TAF4B: variants seen among roughly 807,000 people sequenced by gnomAD.
The protein encoded by TAF4B is TATA-box binding protein associated factor 4b, also known as transcription initiation factor TFIID subunit 4B.
A neutral mutation model predicts 86.4 loss-of-function variants in TAF4B; 38 were observed. The ratio of observed to expected loss-of-function variants is 0.44; its 90% CI spans 0.34 to 0.58. The LOEUF is 0.58. TAF4B is among the 20% of genes least tolerant of loss of function. TAF4B has a pLI of 0.02. For synonymous variants in TAF4B, 388 were observed against 391.2 expected, an observed-to-expected ratio of 0.99 and a Z score of 0.10; for missense variants, 988 against 1,027.6, an observed-to-expected ratio of 0.96 and a Z score of 0.53.
Position 26,300,307 on chromosome 18 carries a change from TTTATTA to T in TAF4B, c.1832+6801_1832+6806del, listed in dbSNP as rs57272091. 2.3e-3 allele frequency among the ~76,000 whole-genome samples: 341 copies of T among 145,394 alleles called. 2 individuals are homozygous for T. Among genetic ancestry groups the T allele is most frequent in the African/African-American group, 7.4e-3 (290 of 39,156 alleles). On this transcript the variant is annotated intron_variant, in intron 9 of 14. Coordinates refer to ENST00000269142, the MANE Select transcript of TAF4B (RefSeq NM_005640.3). ...CCTGGCTTGTTTTCTAATGTAGGCA[TTTATTA>T]TTATTATTATTATTATTATTATTAA...
chr18:26,240,455 A>G (rs1284037191), intron 1 of TAF4B, among the ~76,000 whole-genome samples: 1 of 152,186 alleles, frequency 6.6e-6, no homozygotes, highest in Admixed American at 6.5e-5. Context: ...ACTTTGCTGA[A>G]GTTGCTTGTC....
intron 1 of TAF4B, among the ~76,000 whole-genome samples, chr18:26,256,549 C>T (rs2056087286): frequency 6.6e-6 from 1 of 151,830 alleles, no homozygotes; most frequent in South Asian, 2.1e-4. Flanking sequence ...CTTCTGCTTG[C>T]TTTAGTTTTC....
intron 14 of TAF4B, 94 bp downstream of exon 14, chr18:26,357,888 G>T: frequency 1.3e-6 from 1 of 788,326 alleles, no homozygotes; most frequent in Non-Finnish European, 1.9e-6. Flanking sequence ...TGTTATGCAC[G>T]CTGTTGCTGC....
chr18:26,294,117 G>T (rs2056631921), intron 9 of TAF4B, among the ~76,000 whole-genome samples: 1 of 152,068 alleles, frequency 6.6e-6, no homozygotes, highest in African/African-American at 2.4e-5. Flanking sequence ...AATTTTGCAT[G>T]AACATATGCT....
chr18:26,275,123 T>C, intron 5 of TAF4B, 70 bp downstream of exon 5: 1 of 1,420,340 alleles, frequency 7.0e-7, no homozygotes, highest in Non-Finnish European at 9.4e-7. Flanking sequence ...GGGAAATGCA[T>C]ATTTTTAAAT....
chr18:26,350,678 G>C (rs186931843), intron 13 of TAF4B, among the ~76,000 whole-genome samples: 1 of 152,072 alleles, frequency 6.6e-6, no homozygotes, highest in Non-Finnish European at 1.5e-5. Context: ...CCTGTTTCTA[G>C]AAAAAGAAAA....
chr18:26,266,332 G>C (rs1467319027), intron 2 of TAF4B: 1 of 151,292 alleles, frequency 6.6e-6, no homozygotes, highest in African/African-American at 2.4e-5. Context: ...GGCTGGTCTC[G>C]AACTCTTGAC....
chr18:26,309,366 G>A (rs2056831717), intron 9 of TAF4B, among the ~76,000 whole-genome samples: 1 of 139,160 alleles, frequency 7.2e-6, no homozygotes. Context: ...CTTTCCAATA[G>A]TTATATTTTC....
At chr18:26,235,308 G>A (rs2055732463) in intron 1 of TAF4B, among the ~76,000 whole-genome samples, 1 of 152,060 alleles carries the variant, frequency 6.6e-6, no homozygotes, top group Admixed American at 6.6e-5. Context: ...TGATCCCAAG[G>A]AACCCCCGCA....
chr18:26,350,145 T>C (rs1295758170), intron 13 of TAF4B, among the ~76,000 whole-genome samples: 1 of 152,136 alleles, frequency 6.6e-6, no homozygotes, highest in Non-Finnish European at 1.5e-5. Flanking sequence ...ATACTTTATG[T>C]CAGGAAAATA....
At chr18:26,318,229 C>T (rs545115092) in intron 10 of TAF4B, among the ~76,000 whole-genome samples, 1 of 152,180 alleles carries the variant, frequency 6.6e-6, no homozygotes, top group Admixed American at 6.6e-5. Flanking sequence ...GAGACAGGGT[C>T]TCACTATGTT....
At chr18:26,371,117 G>A (rs763196527) in intron 14 of TAF4B, among the ~76,000 whole-genome samples, 3 of 151,924 alleles carry the variant, frequency 2.0e-5, no homozygotes, top group Admixed American at 6.6e-5. Flanking sequence ...TTCATGAAGC[G>A]TGAACAAAAC....
intron 13 of TAF4B, 106 bp from the exon 14 acceptor site, chr18:26,357,584 T>G: frequency 1.5e-6 from 1 of 675,700 alleles, no homozygotes; most frequent in Non-Finnish European, 2.3e-6. Context: ...TATTTTATAT[T>G]GTAACTTTAT....
intron 1 of TAF4B, among the ~76,000 whole-genome samples, chr18:26,239,353 T>G (rs1317897809): frequency 2.0e-5 from 3 of 152,162 alleles, no homozygotes; most frequent in Admixed American, 2.0e-4. Context: ...ATGATGAGCA[T>G]TTTTTCATGT....
intron 14 of TAF4B, among the ~76,000 whole-genome samples, chr18:26,368,843 T>C (rs1262154176): frequency 6.6e-6 from 1 of 152,212 alleles, no homozygotes. Flanking sequence ...AAAGGTTGAC[T>C]CTTTGTCAGC....
chr18:26,367,688 C>T (rs980775888), intron 14 of TAF4B, among the ~76,000 whole-genome samples: 1 of 152,160 alleles, frequency 6.6e-6, no homozygotes, highest in Non-Finnish European at 1.5e-5. Context: ...TAAAATTAAC[C>T]ATCATAGACA....
intron 1 of TAF4B, among the ~76,000 whole-genome samples, chr18:26,238,889 TTCATC>T (rs2055792088): frequency 6.6e-6 from 1 of 152,198 alleles, no homozygotes; most frequent in Non-Finnish European, 1.5e-5. Flanking sequence ...GGTTTCCAGC[TTCATC>T]CATGTCCCTA....
chr18:26,226,856 C>A lies in TAF4B; in HGVS notation c.-78C>A. ...TGTGGAACCCGAACCGCACCGGAGTCGGCTGCCGCGCGCCAAGCCTCCCCT... is the reference window on the plus strand; with the variant it reads ...TGTGGAACCCGAACCGCACCGGAGTAGGCTGCCGCGCGCCAAGCCTCCCCT... On this transcript the variant is annotated 5_prime_UTR_variant, in exon 1 of 15. Coordinates refer to ENST00000269142, the MANE Select transcript of TAF4B (RefSeq NM_005640.3). The A allele has an allele frequency of 8.4e-7, 1 of 1,190,540 alleles. No individual in the cohort carries two copies. Among genetic ancestry groups the A allele is most frequent in the Non-Finnish European group, 1.1e-6 (1 of 922,976 alleles). 73.7% of individuals were successfully genotyped at this position (1,190,540 alleles called of 1,614,324 possible). A position where few individuals can be genotyped will look rare whatever the true frequency, so the allele number is the denominator to read the frequency against.
At chr18:26,229,650 A>G (rs1348770779) in intron 1 of TAF4B, among the ~76,000 whole-genome samples, 1 of 151,770 alleles carries the variant, frequency 6.6e-6, no homozygotes, top group Non-Finnish European at 1.5e-5. Context: ...TTACAGGCAC[A>G]CGCCACCATG....
Sources: gnomAD v4.1 joint callset for allele counts (sites outside exome capture counted in the v4.1 genomes callset) on GRCh38, gnomAD v4.1.1 for gene constraint, MANE v1.5 for transcripts, NCBI Gene and HGNC (gene_info 2026-07-23, HGNC 2026-07-21) for gene names.